RALA: variants seen among roughly 807,000 people sequenced by gnomAD.
The protein encoded by RALA is RAS like proto-oncogene A, also known as ras-related protein Ral-A.
A neutral mutation model predicts 24.0 loss-of-function variants in RALA; 5 were observed. The ratio of observed to expected loss-of-function variants is 0.21; its 90% CI spans 0.11 to 0.44. RALA has a LOEUF of 0.44. Among genes scored for constraint, RALA ranks in the 20% least tolerant of loss-of-function variants. The pLI, the probability that RALA is intolerant of heterozygous loss-of-function variation, is 0.99. For synonymous variants in RALA, 77 were observed against 83.8 expected (o/e 0.92, Z 0.44); for missense variants, 95 against 241.2 (o/e 0.39, Z 4.01).
chr7:39,634,057 G>A (rs2115922926), intron 1 of RALA, among the ~76,000 whole-genome samples: 1 of 152,290 alleles, frequency 6.6e-6, no homozygotes, highest in South Asian at 2.1e-4. Flanking sequence ...TCTCCCAGGA[G>A]GGCTGGGTGG....
At chr7:39,643,082 A>G (rs1791849270) in intron 1 of RALA, among the ~76,000 whole-genome samples, 1 of 152,232 alleles carries the variant, frequency 6.6e-6, no homozygotes, top group Non-Finnish European at 1.5e-5. Context: ...TGACCTAAGC[A>G]ATTTTATATT....
intron 1 of RALA, among the ~76,000 whole-genome samples, chr7:39,675,142 A>C (rs974040653): frequency 6.6e-6 from 1 of 152,158 alleles, no homozygotes; most frequent in African/African-American, 2.4e-5. Context: ...TGTGAAACAA[A>C]GTTTGTATAT....
intron 3 of RALA, among the ~76,000 whole-genome samples, chr7:39,694,413 T>C (rs1300391866): frequency 6.6e-6 from 1 of 152,240 alleles, no homozygotes; most frequent in Admixed American, 6.5e-5. Context: ...TGGTATCTAC[T>C]GTACAAGTTC....
chr7:39,704,901 C>T (rs1793090423), intron 4 of RALA, among the ~76,000 whole-genome samples: 1 of 152,264 alleles, frequency 6.6e-6, no homozygotes, highest in Admixed American at 6.5e-5. Context: ...GTCTAGAACT[C>T]CTGACCTCAG....
At chr7:39,648,416 T>C (rs892880538) in intron 1 of RALA, among the ~76,000 whole-genome samples, 9 of 141,296 alleles carry the variant, frequency 6.4e-5, no homozygotes, top group Non-Finnish European at 1.4e-4. Context: ...ACTTAATAGC[T>C]TTTTTTTTTT....
At chr7:39,626,484 A>G (rs890007109) in intron 1 of RALA, among the ~76,000 whole-genome samples, 1 of 152,334 alleles carries the variant, frequency 6.6e-6, no homozygotes, top group African/African-American at 2.4e-5. Context: ...CAGGAAGGTG[A>G]AGATACTGAT....
At chr7:39,667,275 C>G (rs1351148967) in intron 1 of RALA, among the ~76,000 whole-genome samples, 2 of 152,190 alleles carry the variant, frequency 1.3e-5, no homozygotes, top group South Asian at 2.1e-4. Context: ...GATTTTAACT[C>G]AAGTTCATGG....
At chr7:39,624,179 G>A in intron 1 of RALA, 1 of 152,618 alleles carries the variant, frequency 6.6e-6, no homozygotes, top group Non-Finnish European at 1.5e-5. Context: ...ACCCGCTGCC[G>A]CCGCAGTCCC....
chr7:39,636,932 C>T (rs974995781), intron 1 of RALA, among the ~76,000 whole-genome samples: 1 of 152,128 alleles, frequency 6.6e-6, no homozygotes, highest in Non-Finnish European at 1.5e-5. Flanking sequence ...GGAAACCACC[C>T]CCATGATCCA....
intron 4 of RALA, chr7:39,697,607 G>T (rs1181109137): frequency 1.3e-5 from 4 of 315,722 alleles, no homozygotes; most frequent in Non-Finnish European, 2.6e-5. Context: ...ATAGGCAAAA[G>T]AACTGCCTGT....
In RALA at chr7:39,690,566, C is replaced by G; in HGVS notation, c.299C>G (p.Ser100Cys). Residue 100 changes from serine (S) to cysteine (C), a missense_variant, in exon 3 of 5, where the codon TCC (serine) becomes TGC (cysteine). Physicochemically the swap from Ser to Cys is moderately radical, Grantham distance 112. Transcript: ENST00000005257. Reference protein sequence around the residue: ...LCVFSITEMESFAATADFREQ... With the variant: ...LCVFSITEMECFAATADFREQ... ...GTTTTCTCTATTACAGAAATGGAAT[C>G]CTTTGCAGCTACAGCTGACTTCAGG... 6.2e-7 allele frequency: 1 copy of G among 1,612,638 alleles called. No homozygotes were observed. The highest frequency in any genetic ancestry group is 8.5e-7 in the Non-Finnish European group (1 of 1,179,188).
At chr7:39,645,276 A>G (rs1419623279) in intron 1 of RALA, among the ~76,000 whole-genome samples, 5 of 152,206 alleles carry the variant, frequency 3.3e-5, no homozygotes, top group Admixed American at 1.3e-4. Context: ...ATATTAGTCA[A>G]TAAACCTATT....
intron 4 of RALA, among the ~76,000 whole-genome samples, chr7:39,697,880 C>G (rs559052844): frequency 6.6e-6 from 1 of 152,028 alleles, no homozygotes; most frequent in East Asian, 1.9e-4. Context: ...TCTAAGATAT[C>G]TGTACAAAGT....
At chr7:39,659,058 TCA>T (rs1792141807) in intron 1 of RALA, among the ~76,000 whole-genome samples, 1 of 152,076 alleles carries the variant, frequency 6.6e-6, no homozygotes, top group Non-Finnish European at 1.5e-5. Context: ...GGCAGGCAGA[TCA>T]CTTGAGCCCA....
At chr7:39,624,474 G>A (rs554833514) in intron 1 of RALA, 29 of 152,326 alleles carry the variant, frequency 1.9e-4, no homozygotes, top group African/African-American at 7.0e-4. Flanking sequence ...TTGGGAGAGA[G>A]GTGTTTCCTC....
chr7:39,697,137 A>G (rs1042673713), intron 4 of RALA, among the ~76,000 whole-genome samples: 1 of 151,938 alleles, frequency 6.6e-6, no homozygotes, highest in Admixed American at 6.6e-5. Flanking sequence ...CCCTTATCCT[A>G]TTGAGTCTTT....
intron 3 of RALA, among the ~76,000 whole-genome samples, chr7:39,695,071 A>G (rs1169930109): frequency 6.6e-6 from 1 of 151,776 alleles, no homozygotes; most frequent in Non-Finnish European, 1.5e-5. Context: ...AAAAAAGAAA[A>G]AAAAAAAAAG....
At chr7:39,695,574 T>C (rs1162975528) in intron 3 of RALA, among the ~76,000 whole-genome samples, 1 of 152,052 alleles carries the variant, frequency 6.6e-6, no homozygotes, top group East Asian at 1.9e-4. Flanking sequence ...AAATTTTTTT[T>C]CTATTTTTTA....
At chr7:39,667,916 T>TC (rs1562616863) in intron 1 of RALA, among the ~76,000 whole-genome samples, 1 of 152,184 alleles carries the variant, frequency 6.6e-6, no homozygotes, top group Non-Finnish European at 1.5e-5. Context: ...TAAAGTGTCT[T>TC]CCTGATCTGT....
Sources: gnomAD v4.1 joint callset for allele counts (sites outside exome capture counted in the v4.1 genomes callset) on GRCh38, gnomAD v4.1.1 for gene constraint, MANE v1.5 for transcripts, NCBI Gene and HGNC (gene_info 2026-07-23, HGNC 2026-07-21) for gene names.